The following LBP variants were observed in gnomAD, a reference collection of about 807,000 sequenced individuals.
LBP encodes lipopolysaccharide-binding protein.
A neutral mutation model predicts 56.6 loss-of-function variants in LBP; 53 were observed. That is an observed-to-expected ratio of 0.94 (90% CI 0.75 to 1.18). The LOEUF is 1.18. Among genes scored for constraint, LBP ranks in the 50% most tolerant of loss-of-function variants. The pLI is 0.00. For synonymous variants in LBP, 227 were observed against 247.5 expected, an observed-to-expected ratio of 0.92 and a Z score of 0.78; for missense variants, 601 against 598.3, an observed-to-expected ratio of 1.00 and a Z score of -0.05.
chr20:38,360,758 ACT>A lies in LBP; in HGVS notation c.646_647del (p.Leu216AlafsTer7), dbSNP rs760951952. On this transcript the variant is annotated frameshift_variant, in exon 6 of 15. Coordinates refer to ENST00000217407, the MANE Select transcript of LBP (RefSeq NM_004139.5). LOFTEE classifies it high-confidence loss of function. The stretch of plus-strand genomic sequence containing the variant: ...CTCCGATCTACAGCCTTATCTCCAA[ACT>A]CTGCCAGGTAGGACACCCCATCCAT... ...VSSDLQPYLQ[T>X]LPVTTEIDSF... 1.1e-4 allele frequency: 177 copies of A among 1,611,440 alleles called. No individual in the cohort carries two copies. The Middle Eastern group carries it at 1.2e-3, about 11-fold the overall frequency.
chr20:38,373,249 C>A, intron 13 of LBP, 114 bp downstream of exon 13: 2 of 859,418 alleles, frequency 2.3e-6, no homozygotes, highest in Non-Finnish European at 3.8e-6. Context: ...GTGGGCAAGT[C>A]ACTTCTCTCT....
chr20:38,370,132 G>A (rs554986869), intron 10 of LBP, among the ~76,000 whole-genome samples: 1 of 152,194 alleles, frequency 6.6e-6, no homozygotes, highest in African/African-American at 2.4e-5. Flanking sequence ...TCAGCACTTT[G>A]GGAGGTCAAG....
chr20:38,355,792 C>T lies in LBP; in HGVS notation c.588+383C>T, dbSNP rs972528604. Among the ~76,000 whole-genome samples, 16 of 152,056 alleles carry T rather than the reference C, an allele frequency of 1.1e-4. No individual in the cohort carries two copies. The East Asian group carries it at 1.4e-3, about 13-fold the overall frequency. On this transcript the variant is annotated intron_variant, in intron 5 of 14. Transcript: ENST00000217407. ...ACCAGGCAGGAAAGCTCAGCGAGGGCGTGGGCCAGGTGGGAACTGGGCGAG... is the reference window on the plus strand; with the variant it reads ...ACCAGGCAGGAAAGCTCAGCGAGGGTGTGGGCCAGGTGGGAACTGGGCGAG...
intron 5 of LBP, among the ~76,000 whole-genome samples, chr20:38,355,827 A>G (rs1192252940): frequency 6.6e-6 from 1 of 152,084 alleles, no homozygotes; most frequent in Non-Finnish European, 1.5e-5. Flanking sequence ...GCTCATGAGC[A>G]CCAGCCCTGG....
rs1568835261 is a variant in LBP, at chr20:38,369,156, C to T, written c.1143C>T (p.Leu381=). Residue 381 remains leucine (L), a synonymous_variant, in exon 10 of 15, where the codon CTC becomes CTT. Transcript: ENST00000217407. ...CCAGCAAGGAGCCTGTCTTCCGGCT[C>T]AGTGTGGTAAGGTTCAGAGCCTTTG... The part of the protein sequence containing the change: ...PSSSKEPVFR[L]SVATNVSATL... 1 of 1,613,824 alleles carries T rather than the reference C, an allele frequency of 6.2e-7. No homozygotes were observed. The highest frequency in any genetic ancestry group is 8.5e-7 in the Non-Finnish European group (1 of 1,179,938).
intron 9 of LBP, among the ~76,000 whole-genome samples, chr20:38,368,094 A>C (rs763083288): frequency 6.6e-6 from 1 of 152,220 alleles, no homozygotes; most frequent in African/African-American, 2.4e-5. Context: ...ATCATATTAA[A>C]AGAGTAATAC....
intron 6 of LBP, among the ~76,000 whole-genome samples, chr20:38,363,512 C>T (rs2076869129): frequency 2.0e-5 from 3 of 152,260 alleles, no homozygotes; most frequent in African/African-American, 7.2e-5. Context: ...CTCCTAAGCC[C>T]CTATGCGGTT....
intron 5 of LBP, among the ~76,000 whole-genome samples, chr20:38,360,432 T>A (rs1043382706): frequency 1.3e-5 from 2 of 152,126 alleles, no homozygotes; most frequent in African/African-American, 4.8e-5. Flanking sequence ...CAGTGCCCCC[T>A]CCTCAGGCTG....
At chr20:38,375,675 T>A (rs996958151) in intron 14 of LBP, among the ~76,000 whole-genome samples, 52 of 152,234 alleles carry the variant, frequency 3.4e-4, no homozygotes, top group Admixed American at 5.9e-4. Flanking sequence ...ATTTTCATTA[T>A]TCAAACTATT....
At chr20:38,356,760 A>C (rs1600724578) in intron 5 of LBP, among the ~76,000 whole-genome samples, 1 of 152,304 alleles carries the variant, frequency 6.6e-6, no homozygotes, top group South Asian at 2.1e-4. Context: ...TTGTATAACT[A>C]TTCTGATTTA....
At chr20:38,368,167 A>C (rs1271460112) in intron 9 of LBP, among the ~76,000 whole-genome samples, 1 of 152,192 alleles carries the variant, frequency 6.6e-6, no homozygotes, top group Non-Finnish European at 1.5e-5. Flanking sequence ...ATATTTCGAA[A>C]ACACTGGCAT....
chr20:38,350,608 A>G (rs5741813), intron 2 of LBP, among the ~76,000 whole-genome samples: 32,597 of 152,138 alleles, frequency 0.21, 4,354 homozygotes, highest in African/African-American at 0.38. Flanking sequence ...AACACTGCTG[A>G]CCCCTTCAGT....
chr20:38,376,431 C>G (rs115102077), intron 14 of LBP, among the ~76,000 whole-genome samples, 194 bp from the exon 15 acceptor site: 67 of 152,304 alleles, frequency 4.4e-4, no homozygotes, highest in South Asian at 8.3e-4. Context: ...CGATCTCTAC[C>G]TTGGAGAAGG....
At chr20:38,359,722 T>A (rs1374925378) in intron 5 of LBP, among the ~76,000 whole-genome samples, 10 of 152,200 alleles carry the variant, frequency 6.6e-5, no homozygotes, top group African/African-American at 2.4e-4. Flanking sequence ...TAGGGCCCAG[T>A]TGGACTTTTC....
chr20:38,356,222 A>AC (rs1291599481), intron 5 of LBP, among the ~76,000 whole-genome samples: 1 of 101,306 alleles, frequency 9.9e-6, no homozygotes, highest in Non-Finnish European at 1.9e-5. Context: ...AAACACACAC[A>AC]CCCCACACAC....
At chr20:38,365,554 G>T (rs564115349) in intron 8 of LBP, among the ~76,000 whole-genome samples, 1 of 151,534 alleles carries the variant, frequency 6.6e-6, no homozygotes, top group African/African-American at 2.4e-5. Context: ...AAAATTAGCT[G>T]GGCATGGTGG....
intron 3 of LBP, among the ~76,000 whole-genome samples, chr20:38,353,406 T>C (rs1307356608): frequency 1.3e-5 from 2 of 151,640 alleles, no homozygotes; most frequent in Non-Finnish European, 2.9e-5. Flanking sequence ...CCCATTGTTC[T>C]CAAAGGCTGC....
chr20:38,354,202 G>C lies in LBP; in HGVS notation c.369-82G>C, dbSNP rs890479612. 3.2e-6 allele frequency: 4 copies of C among 1,233,900 alleles called. No homozygotes were observed. The East Asian group carries it at 9.5e-5, about 29-fold the overall frequency. 76.4% of individuals were successfully genotyped at this position (1,233,900 alleles called of 1,614,324 possible). A position where few individuals can be genotyped will look rare whatever the true frequency, so the allele number is the denominator to read the frequency against. On this transcript the variant is annotated intron_variant, in intron 3 of 14. Coordinates refer to ENST00000217407, the MANE Select transcript of LBP (RefSeq NM_004139.5). ...CTCAGCTCCATGTATTTGGAGGTCA[G>C]AACTGAGCCTTCTATTTTCCCCACA...
At chr20:38,357,016 C>T (rs2076843915) in intron 5 of LBP, among the ~76,000 whole-genome samples, 1 of 152,142 alleles carries the variant, frequency 6.6e-6, no homozygotes, top group African/African-American at 2.4e-5. Context: ...CCACCATGCC[C>T]AGTTAATTTT....
Sources: gnomAD v4.1 joint callset for allele counts (sites outside exome capture counted in the v4.1 genomes callset) on GRCh38, gnomAD v4.1.1 for gene constraint, MANE v1.5 for transcripts, NCBI Gene and HGNC (gene_info 2026-07-23, HGNC 2026-07-21) for gene names.